Variants in CPN1 observed in about 807,000 individuals in gnomAD.
CPN1 encodes carboxypeptidase N catalytic chain.
Under a neutral mutation model 46.4 loss-of-function variants are expected in CPN1, and 37 were observed. The observed-to-expected ratio is 0.80, with a 90% CI of 0.61 to 1.05. The LOEUF (loss-of-function observed/expected upper bound fraction) is 1.05. Ranked by LOEUF, CPN1 falls within the 50% of genes least tolerant of loss-of-function variation. CPN1 has a pLI of 0.00. For synonymous variants in CPN1, 224 were observed against 235.4 expected (o/e 0.95, Z 0.44); for missense variants, 563 against 602.6 (o/e 0.93, Z 0.69).
In CPN1 at chr10:100,081,631, T is replaced by C. The variant is rs2041547911; in HGVS notation, c.-6A>G. The C allele has an allele frequency of 1.2e-6, 2 of 1,613,722 alleles. No individual in the cohort carries two copies. The highest frequency in any genetic ancestry group is 2.2e-5 in the East Asian group (1 of 44,868). ...ACTGAGAGCAGGTCTGACATCTTGC[T>C]GGGCTTTTTCAAAGAGAGCCACTGA... is the stretch of plus-strand genomic sequence containing the variant. On this transcript the variant is annotated 5_prime_UTR_variant, in exon 1 of 9. Transcript: ENST00000370418.
In CPN1 at chr10:100,065,168, C is replaced by T. The variant is rs962277814; in HGVS notation, c.759+20G>A. On this transcript the variant is annotated intron_variant, in intron 4 of 8. Transcript: ENST00000370418. ...TGAGCCCCAAGTTCCCCTGGCGGGA[C>T]AAGCTGCTTCTCCACATACCTTCTG... 7.5e-6 allele frequency: 12 copies of T among 1,605,516 alleles called. No homozygotes were observed. The highest frequency in any genetic ancestry group is 1.1e-5 in the South Asian group (1 of 90,606).
chr10:100,074,666 C>T (rs533908858), intron 2 of CPN1, among the ~76,000 whole-genome samples: 1 of 152,138 alleles, frequency 6.6e-6, no homozygotes, highest in South Asian at 2.1e-4. Flanking sequence ...ATCCACCCAC[C>T]TCAGCCTCCC....
At position 100,062,810 on chromosome 10, in the gene CPN1, A is replaced by G. The variant is rs1483597660; in HGVS notation, c.871+804T>C. Among the ~76,000 whole-genome samples the G allele has an allele frequency of 3.3e-5, 5 of 149,500 alleles. No individual in the cohort carries two copies. In the East Asian group the frequency reaches 5.9e-4, roughly 18 times the overall value. ...GGGATGAGGTCTTGCTATGATGCCC[A>G]GGCTGGTCTCAAACAACTGGCCTCA... On this transcript the variant is annotated intron_variant, in intron 5 of 8. Transcript: ENST00000370418.
chr10:100,065,354 C>G lies in CPN1; in HGVS notation c.593G>C (p.Arg198Pro), dbSNP rs374397752. The G allele has an allele frequency of 1.2e-6, 2 of 1,614,158 alleles. No homozygotes were observed. Among genetic ancestry groups the G allele is most frequent in the Non-Finnish European group, 1.7e-6 (2 of 1,180,034 alleles). Residue 198 changes from arginine to proline, a missense_variant, in exon 4 of 9, where the codon CGG (arginine) becomes CCG (proline). Physicochemically the swap from Arg to Pro is moderately radical, Grantham distance 103 (BLOSUM62 -2). Transcript: ENST00000370418. The stretch of plus-strand genomic sequence containing the variant: ...GGAGTGCATCCACCGGATCACCGCC[C>G]GGGTCTCGGGTTCCACCTGGGAGGA... ...NWKSQVEPETRAVIRWMHSFN... is the reference protein window; with the variant it reads ...NWKSQVEPETPAVIRWMHSFN...
intron 5 of CPN1, 114 bp from the exon 6 acceptor site, chr10:100,057,266 C>T: frequency 1.7e-6 from 2 of 1,203,516 alleles, no homozygotes; most frequent in Non-Finnish European, 2.3e-6. Flanking sequence ...TTGGGAATTA[C>T]CTTTTAATTT....
At position 100,075,928 on chromosome 10, in the gene CPN1, C is replaced by T. The variant is rs779479935; in HGVS notation, c.403G>A (p.Glu135Lys). The T allele has an allele frequency of 5.0e-6, 8 of 1,614,096 alleles. No homozygotes were observed. In the Admixed American group the frequency reaches 8.3e-5, roughly 17 times the overall value. Residue 135 changes from glutamate to lysine, a missense_variant, in exon 2 of 9, where the codon GAG (glutamate) becomes AAG (lysine). Glu to Lys is a moderately conservative substitution (Grantham distance 56). Coordinates refer to ENST00000370418, the MANE Select transcript of CPN1 (RefSeq NM_001308.3). Reference protein sequence around the residue: ...ILPSMNPDGYEVAAAQGPNKP... With the variant: ...ILPSMNPDGYKVAAAQGPNKP... ...CCTCGTACCTGGGCAGCAGCCACCTCGTAGCCGTCGGGGTTCATGGATGGC... is the reference window on the plus strand; with the variant it reads ...CCTCGTACCTGGGCAGCAGCCACCTTGTAGCCGTCGGGGTTCATGGATGGC...
At chr10:100,043,897 T>C (rs1301498143) in intron 8 of CPN1, among the ~76,000 whole-genome samples, 2 of 152,040 alleles carry the variant, frequency 1.3e-5, no homozygotes, top group African/African-American at 4.8e-5. Context: ...AGCACGCAGA[T>C]GGAAAGATAC....
At chr10:100,078,760 G>A (rs558027708) in intron 1 of CPN1, among the ~76,000 whole-genome samples, 12 of 152,234 alleles carry the variant, frequency 7.9e-5, no homozygotes, top group Admixed American at 2.0e-4. Flanking sequence ...AAGACAGATC[G>A]TCTCCCCCTT....
chr10:100,054,082 T>C (rs2041370878), intron 7 of CPN1, among the ~76,000 whole-genome samples: 1 of 152,206 alleles, frequency 6.6e-6, no homozygotes, highest in Non-Finnish European at 1.5e-5. Context: ...AAGTTACATT[T>C]ACATCAGTCT....
chr10:100,056,371 TTAAATGTCACCTCCTCTG>T (rs1322400526), intron 6 of CPN1, among the ~76,000 whole-genome samples: 1 of 152,230 alleles, frequency 6.6e-6, no homozygotes, highest in Non-Finnish European at 1.5e-5. Flanking sequence ...AAATTTTTGT[TTAAATGTCACCTCCTCTG>T]TAAGACTTTC....
chr10:100,078,402 G>A (rs1371875101), intron 1 of CPN1, among the ~76,000 whole-genome samples: 2 of 152,250 alleles, frequency 1.3e-5, no homozygotes, highest in East Asian at 3.9e-4. Context: ...TACCATTTTG[G>A]TTCAAGCCCC....
intron 6 of CPN1, 104 bp from the exon 7 acceptor site, chr10:100,054,550 C>T: frequency 1.1e-6 from 1 of 915,334 alleles, no homozygotes. Flanking sequence ...ATTTTATCTT[C>T]ACAAAGATGA....
At chr10:100,064,544 T>C (rs12769220) in intron 4 of CPN1, among the ~76,000 whole-genome samples, 46,858 of 150,992 alleles carry the variant, frequency 0.31, 7,990 homozygotes, top group Non-Finnish European at 0.4. Flanking sequence ...CCGTGCCTGG[T>C]TAATTTTTTT....
At chr10:100,073,285 G>T (rs572940175) in intron 2 of CPN1, among the ~76,000 whole-genome samples, 4 of 152,244 alleles carry the variant, frequency 2.6e-5, no homozygotes, top group South Asian at 2.1e-4. Flanking sequence ...CCAGGGGCTT[G>T]TCACTGCTTG....
At chr10:100,055,245 A>T (rs1222216003) in intron 6 of CPN1, among the ~76,000 whole-genome samples, 1 of 151,940 alleles carries the variant, frequency 6.6e-6, no homozygotes. Flanking sequence ...CTAAAAAAAA[A>T]AAAATTTGTA....
chr10:100,060,281 G>A (rs2041409232), intron 5 of CPN1, among the ~76,000 whole-genome samples: 1 of 152,174 alleles, frequency 6.6e-6, no homozygotes, highest in East Asian at 1.9e-4. Context: ...TAAAAATGAA[G>A]CTGGGCATGG....
intron 2 of CPN1, among the ~76,000 whole-genome samples, chr10:100,072,822 T>C (rs1457260142): frequency 6.6e-6 from 1 of 152,198 alleles, no homozygotes; most frequent in Admixed American, 6.5e-5. Flanking sequence ...AATAATTAAA[T>C]ACATAGAGTG....
chr10:100,064,920 G>A (rs2041444157), intron 4 of CPN1, among the ~76,000 whole-genome samples: 1 of 151,858 alleles, frequency 6.6e-6, no homozygotes, highest in Admixed American at 6.6e-5. Flanking sequence ...ATTAGTCTTC[G>A]GGCATATTTC....
At chr10:100,063,874 T>C (rs2041436845) in intron 4 of CPN1, 149 bp from the exon 5 acceptor site, 3 of 704,562 alleles carry the variant, frequency 4.3e-6, no homozygotes. Context: ...GGATCAGGGA[T>C]AGAAACAGCG....
Sources: gnomAD v4.1 joint callset for allele counts (sites outside exome capture counted in the v4.1 genomes callset) on GRCh38, gnomAD v4.1.1 for gene constraint, MANE v1.5 for transcripts, NCBI Gene and HGNC (gene_info 2026-07-23, HGNC 2026-07-21) for gene names.